Variants in NCKAP5 observed in about 807,000 individuals in gnomAD.
NCKAP5 encodes NCK associated protein 5.
A neutral mutation model predicts 167.0 loss-of-function variants in NCKAP5; 92 were observed. That is an observed-to-expected ratio of 0.55 (90% CI 0.47 to 0.66). The LOEUF is 0.66. Among genes scored for constraint, NCKAP5 ranks in the 30% least tolerant of loss-of-function variants. The probability of loss-of-function intolerance (pLI) is 0.00; values close to 1 mark genes in which losing one functional copy is unlikely to be tolerated. For synonymous variants in NCKAP5, 891 were observed against 877.4 expected (o/e 1.02, Z -0.27); for missense variants, 2,378 against 2,315.0 (o/e 1.03, Z -0.56).
At chr2:133,231,988 G>T (rs2087172400) in intron 4 of NCKAP5, among the ~76,000 whole-genome samples, 1 of 152,114 alleles carries the variant, frequency 6.6e-6, no homozygotes, top group Non-Finnish European at 1.5e-5. Flanking sequence ...GTACAGAAAG[G>T]ACACACTTTT....
At chr2:133,134,532 G>A (rs1389830889) in intron 5 of NCKAP5, among the ~76,000 whole-genome samples, 2 of 152,202 alleles carry the variant, frequency 1.3e-5, no homozygotes, top group East Asian at 1.9e-4. Context: ...CCATGGTGGA[G>A]AAAAAGAAGT....
At chr2:133,265,880 G>C (rs1249641358) in intron 4 of NCKAP5, among the ~76,000 whole-genome samples, 5 of 152,162 alleles carry the variant, frequency 3.3e-5, no homozygotes, top group Non-Finnish European at 1.5e-5. Context: ...GCCCGGGAAA[G>C]GCGCCACTCC....
intron 11 of NCKAP5, among the ~76,000 whole-genome samples, chr2:132,832,493 C>G (rs561703797): frequency 6.6e-6 from 1 of 152,150 alleles, no homozygotes; most frequent in African/African-American, 2.4e-5. Flanking sequence ...ACCTTGTACC[C>G]ATTAATTAAT....
chr2:132,886,107 T>C (rs1173996093), intron 8 of NCKAP5, among the ~76,000 whole-genome samples: 1 of 152,152 alleles, frequency 6.6e-6, no homozygotes, highest in Non-Finnish European at 1.5e-5. Context: ...TAAATCTCAC[T>C]CAGTTTTGGT....
chr2:133,501,669 T>C (rs1237048761), intron 3 of NCKAP5, among the ~76,000 whole-genome samples: 2 of 152,236 alleles, frequency 1.3e-5, no homozygotes, highest in Admixed American at 6.5e-5. Context: ...TAGGTGTGTA[T>C]ACAAAGAATG....
intron 19 of NCKAP5, among the ~76,000 whole-genome samples, chr2:132,675,994 T>C (rs1290540034): frequency 6.6e-6 from 1 of 152,132 alleles, no homozygotes; most frequent in Non-Finnish European, 1.5e-5. Context: ...ATTCAGTCTC[T>C]AGGCAGAGCA....
the NCKAP5 span, among the ~76,000 whole-genome samples, chr2:133,604,759 G>A: frequency 6.6e-6 from 1 of 152,174 alleles, no homozygotes; most frequent in African/African-American, 2.4e-5. Context: ...TGGGCATTCA[G>A]TAGTCAGTAC....
chr2:133,638,858 A>G, the NCKAP5 span, among the ~76,000 whole-genome samples: 6 of 129,192 alleles, frequency 4.6e-5, no homozygotes, highest in Non-Finnish European at 1.0e-4. Flanking sequence ...ACTCTATCTC[A>G]AAAAAAAAAA....
intron 1 of NCKAP5, among the ~76,000 whole-genome samples, chr2:133,567,318 T>C (rs930803789): frequency 2.0e-5 from 3 of 152,264 alleles, no homozygotes; most frequent in Admixed American, 6.5e-5. Flanking sequence ...CAACAGAGAA[T>C]AGCTCACGGG....
chr2:133,508,874 G>C (rs1683249112), intron 3 of NCKAP5, among the ~76,000 whole-genome samples: 1 of 152,322 alleles, frequency 6.6e-6, no homozygotes, highest in South Asian at 2.1e-4. Context: ...ACTTATTTCT[G>C]CTATAGAAGC....
intron 6 of NCKAP5, among the ~76,000 whole-genome samples, chr2:133,080,364 G>C (rs1170386534): frequency 6.6e-6 from 1 of 152,094 alleles, no homozygotes; most frequent in Non-Finnish European, 1.5e-5. Flanking sequence ...ACTGCTCTCA[G>C]TTAGTTACCC....
At chr2:133,582,095 C>T in the NCKAP5 span, among the ~76,000 whole-genome samples, 7 of 152,282 alleles carry the variant, frequency 4.6e-5, no homozygotes, top group Non-Finnish European at 8.8e-5. Context: ...TGAATAAAAA[C>T]ACACATTCAT....
At chr2:132,727,346 T>A (rs1424831426) in intron 18 of NCKAP5, among the ~76,000 whole-genome samples, 1 of 152,242 alleles carries the variant, frequency 6.6e-6, no homozygotes, top group East Asian at 1.9e-4. Context: ...TTTACAGCTC[T>A]CAATTTTCTC....
intron 1 of NCKAP5, among the ~76,000 whole-genome samples, chr2:133,567,352 A>C (rs1487363508): frequency 6.6e-6 from 1 of 152,192 alleles, no homozygotes; most frequent in Non-Finnish European, 1.5e-5. Flanking sequence ...GTGGGATAAG[A>C]GGTTCCTGTC....
At chr2:133,638,676 G>A in the NCKAP5 span, among the ~76,000 whole-genome samples, 1 of 152,016 alleles carries the variant, frequency 6.6e-6, no homozygotes, top group Admixed American at 6.6e-5. Flanking sequence ...TGGCCAACAT[G>A]GTGAGGCCCC....
At chr2:133,647,202 T>C in the NCKAP5 span, among the ~76,000 whole-genome samples, 22 of 151,976 alleles carry the variant, frequency 1.4e-4, no homozygotes, top group East Asian at 4.1e-3. Context: ...CTGGGCATGG[T>C]TGTGCATATC....
At chr2:133,384,797 A>G (rs1686809228) in intron 3 of NCKAP5, among the ~76,000 whole-genome samples, 1 of 152,150 alleles carries the variant, frequency 6.6e-6, no homozygotes, top group East Asian at 1.9e-4. Flanking sequence ...TAGGTATTTT[A>G]TTCTCTTTGA....
intron 4 of NCKAP5, among the ~76,000 whole-genome samples, chr2:133,219,071 C>T (rs1484184493): frequency 6.6e-6 from 1 of 152,214 alleles, no homozygotes; most frequent in Admixed American, 6.5e-5. Context: ...ATTCTAGCCA[C>T]TTGATTTGGT....
At chr2:132,851,362 G>A (rs529449012) in intron 11 of NCKAP5, among the ~76,000 whole-genome samples, 1 of 152,298 alleles carries the variant, frequency 6.6e-6, no homozygotes, top group South Asian at 2.1e-4. Context: ...GTGCAGCCAG[G>A]TGTAAGCTAT....
Sources: allele counts gnomAD v4.1 joint callset (sites outside exome capture counted in the v4.1 genomes callset), GRCh38; gene constraint gnomAD v4.1.1; transcripts MANE v1.5; gene names NCBI Gene and HGNC (gene_info 2026-07-23, HGNC 2026-07-21).